Variants in CALN1 observed in about 807,000 individuals in gnomAD.
CALN1 encodes the protein calneuron 1, also known as calcium-binding protein 8.
A neutral mutation model predicts 30.6 loss-of-function variants in CALN1; 17 were observed. The observed-to-expected ratio is 0.56, with a 90% CI of 0.38 to 0.83. CALN1 has a LOEUF of 0.83. Ranked by LOEUF, CALN1 falls within the 40% of genes least tolerant of loss-of-function variation. CALN1 has a pLI of 0.00. For missense variants in CALN1, 291 were observed against 354.9 expected (o/e 0.82, Z 1.45); for synonymous variants, 156 against 131.4 (o/e 1.19, Z -1.28).
At chr7:72,041,541 A>G (rs770385424) in intron 4 of CALN1, among the ~76,000 whole-genome samples, 4 of 151,682 alleles carry the variant, frequency 2.6e-5, no homozygotes, top group Non-Finnish European at 4.4e-5. Context: ...ACACCACCAT[A>G]CTCAGCTAAT....
At chr7:72,149,196 C>A (rs777046580) in intron 3 of CALN1, among the ~76,000 whole-genome samples, 3 of 151,620 alleles carry the variant, frequency 2.0e-5, no homozygotes, top group Non-Finnish European at 4.4e-5. Context: ...CCAGGCACAG[C>A]GGCTCGCATC....
rs546624615 is a variant in CALN1 at position 72,293,740 on chromosome 7, T to A, written c.120-14930A>T. 4.0e-4 allele frequency among the ~76,000 whole-genome samples: 61 copies of A among 152,264 alleles called. No homozygotes were observed. In the South Asian group the frequency reaches 1.0e-2, roughly 25 times the overall value. ...AGCTTAGGACACTGACAGAGGTAGA[T>A]CTCCAGGTAACATTTTTGAACTTCA... On this transcript the variant is annotated intron_variant, in intron 2 of 6. Coordinates refer to ENST00000395275, the MANE Select transcript of CALN1 (RefSeq NM_031468.4).
chr7:72,393,993 G>A (rs566282691), intron 2 of CALN1, among the ~76,000 whole-genome samples: 9 of 152,178 alleles, frequency 5.9e-5, no homozygotes, highest in Non-Finnish European at 1.3e-4. Flanking sequence ...AATCACATAG[G>A]AAGTAAATGG....
intron 5 of CALN1, among the ~76,000 whole-genome samples, chr7:71,947,468 A>G (rs1357473397): frequency 6.6e-6 from 1 of 152,174 alleles, no homozygotes; most frequent in African/African-American, 2.4e-5. Context: ...GAGATCAGAC[A>G]TGGAAGCCAG....
chr7:72,034,034 C>A (rs904821011), intron 4 of CALN1, among the ~76,000 whole-genome samples: 5 of 152,100 alleles, frequency 3.3e-5, no homozygotes, highest in East Asian at 3.9e-4. Flanking sequence ...GTCTGGTTTG[C>A]GACACCAAAG....
intron 2 of CALN1, among the ~76,000 whole-genome samples, chr7:72,371,853 C>A (rs1236203645): frequency 6.6e-6 from 1 of 152,304 alleles, no homozygotes; most frequent in East Asian, 1.9e-4. Context: ...ATGTTCCACC[C>A]TTGCTCTCCC....
intron 1 of CALN1, among the ~76,000 whole-genome samples, chr7:72,408,878 A>G (rs1806898666): frequency 6.6e-6 from 1 of 151,400 alleles, no homozygotes; most frequent in Non-Finnish European, 1.5e-5. Context: ...CAGTTTCACC[A>G]TGTTGCCCAG....
At chr7:72,133,256 G>C (rs1809282830) in intron 3 of CALN1, among the ~76,000 whole-genome samples, 1 of 152,138 alleles carries the variant, frequency 6.6e-6, no homozygotes, top group Non-Finnish European at 1.5e-5. Context: ...TGGAAATACA[G>C]AGTCATGTGA....
At chr7:72,188,277 A>C (rs1271423727) in intron 3 of CALN1, among the ~76,000 whole-genome samples, 2 of 152,216 alleles carry the variant, frequency 1.3e-5, no homozygotes, top group Non-Finnish European at 2.9e-5. Context: ...ATACATGTAC[A>C]TAAATACACA....
chr7:72,338,207 G>A (rs1372201710), intron 2 of CALN1, among the ~76,000 whole-genome samples: 2 of 152,134 alleles, frequency 1.3e-5, no homozygotes, highest in Non-Finnish European at 2.9e-5. Context: ...CCTGGCCAAA[G>A]CAGGCTAGTC....
chr7:71,788,006 C>T, intron 6 of CALN1, 104 bp from the exon 7 acceptor site: 1 of 1,485,438 alleles, frequency 6.7e-7, no homozygotes, highest in African/African-American at 1.4e-5. Context: ...CCTCAACAGG[C>T]CAGCAGTGAG....
chr7:72,160,453 A>C (rs1033083324), intron 3 of CALN1, among the ~76,000 whole-genome samples: 2 of 151,684 alleles, frequency 1.3e-5, no homozygotes, highest in African/African-American at 4.8e-5. Context: ...TAACTTTTGT[A>C]GTTTTAGTAG....
At chr7:71,942,876 C>T (rs919813500) in intron 5 of CALN1, among the ~76,000 whole-genome samples, 2 of 152,124 alleles carry the variant, frequency 1.3e-5, no homozygotes, top group African/African-American at 4.8e-5. Flanking sequence ...CTGAGATAGA[C>T]GCATATCTGA....
chr7:72,223,875 A>G (rs1793483421), intron 3 of CALN1, among the ~76,000 whole-genome samples: 1 of 152,202 alleles, frequency 6.6e-6, no homozygotes, highest in African/African-American at 2.4e-5. Context: ...GGAGGCTATC[A>G]TCCTAAGCAA....
intron 2 of CALN1, among the ~76,000 whole-genome samples, chr7:72,296,482 C>T (rs1798869130): frequency 6.6e-6 from 1 of 151,562 alleles, no homozygotes; most frequent in Admixed American, 6.6e-5. Context: ...GCCGTGAATC[C>T]ATCTGGTCCT....
At chr7:72,044,002 C>A (rs1373143343) in intron 4 of CALN1, among the ~76,000 whole-genome samples, 1 of 152,128 alleles carries the variant, frequency 6.6e-6, no homozygotes, top group Non-Finnish European at 1.5e-5. Flanking sequence ...GACTTCTTCA[C>A]TATTACAAGA....
intron 4 of CALN1, among the ~76,000 whole-genome samples, chr7:72,101,822 T>C (rs1383656081): frequency 2.0e-5 from 3 of 152,142 alleles, no homozygotes; most frequent in Admixed American, 6.6e-5. Flanking sequence ...ATGCTCAACC[T>C]GGGCACGCCA....
At chr7:71,820,571 G>A (rs751874645) in intron 5 of CALN1, among the ~76,000 whole-genome samples, 3 of 152,182 alleles carry the variant, frequency 2.0e-5, no homozygotes, top group Non-Finnish European at 4.4e-5. Flanking sequence ...CAGCCCAAGT[G>A]TCTGCTATGG....
At chr7:71,847,835 G>A (rs12535007) in intron 5 of CALN1, among the ~76,000 whole-genome samples, 5 of 93,830 alleles carry the variant, frequency 5.3e-5, no homozygotes, top group East Asian at 2.1e-3. Context: ...GAAGGAGAAG[G>A]AGAAGGAGAA....
Sources: allele counts gnomAD v4.1 joint callset (sites outside exome capture counted in the v4.1 genomes callset), GRCh38; gene constraint gnomAD v4.1.1; transcripts MANE v1.5; gene names NCBI Gene and HGNC (gene_info 2026-07-23, HGNC 2026-07-21).